Variants in PNKD observed in about 807,000 individuals in gnomAD.
The protein encoded by PNKD is PNKD metallo-beta-lactamase domain containing.
A neutral mutation model predicts 45.3 loss-of-function variants in PNKD; 36 were observed. The observed-to-expected ratio is 0.80, with a 90% confidence interval of 0.61 to 1.05. The LOEUF is 1.05. Among genes scored for constraint, PNKD ranks in the 50% least tolerant of loss-of-function variants. The probability of loss-of-function intolerance (pLI) is 0.00; values close to 1 mark genes in which losing one functional copy is unlikely to be tolerated. For synonymous variants in PNKD, 197 were observed against 210.1 expected (o/e 0.94, Z 0.54); for missense variants, 511 against 506.6 (o/e 1.01, Z -0.08).
intron 2 of PNKD, among the ~76,000 whole-genome samples, chr2:218,273,465 A>AT (rs1268199721): frequency 7.5e-4 from 62 of 82,790 alleles, no homozygotes; most frequent in South Asian, 4.3e-3. Context: ...TTTTTTTTGG[A>AT]TTTTTTTTTA....
In PNKD at chr2:218,340,187, G is replaced by A; in HGVS notation, c.465+46G>A. ...AGGGGGTGCCTGGAGTCACCTTGGG[G>A]ACTGGCAGTTTCGCCTTGCTAGAGA... On this transcript the variant is annotated intron_variant, in intron 4 of 9. Coordinates refer to ENST00000273077, the MANE Select transcript of PNKD (RefSeq NM_015488.5). The surrounding 1 kb of genome is among the most constrained non-coding windows in gnomAD (Gnocchi z 4.2). 1 of 1,241,024 alleles carries A rather than the reference G, an allele frequency of 8.1e-7. No homozygotes were observed. Among genetic ancestry groups the A allele is most frequent in the East Asian group, 2.3e-5 (1 of 43,272 alleles). 76.9% of individuals were successfully genotyped at this position (1,241,024 alleles called of 1,614,324 possible).
At chr2:218,323,362 G>T in intron 2 of PNKD, 1 of 1,581,460 alleles carries the variant, frequency 6.3e-7, no homozygotes, top group East Asian at 2.4e-5. Flanking sequence ...AGCCCCCGCG[G>T]CTGCCGAGCG....
chr2:218,307,105 G>T (rs1354450848), intron 2 of PNKD, among the ~76,000 whole-genome samples: 1 of 152,118 alleles, frequency 6.6e-6, no homozygotes, highest in Admixed American at 6.6e-5. Flanking sequence ...TGAAGGAGAG[G>T]GTTGGGGTCA....
chr2:218,335,863 C>T lies in PNKD; in HGVS notation c.237-3920C>T, dbSNP rs1479532609. 5.3e-5 allele frequency among the ~76,000 whole-genome samples: 8 copies of T among 152,286 alleles called. 1 individual carries two copies. In the East Asian group the frequency reaches 1.5e-3, roughly 29 times the overall value. On this transcript the variant is annotated intron_variant, in intron 2 of 9. Transcript: ENST00000273077. ...GCTTGCAGACAAATCAGCTAGCTCT[C>T]CCCTTAGGGGTCTGAAGAGCGGCTG...
chr2:218,305,417 T>A (rs1693379800), intron 2 of PNKD, among the ~76,000 whole-genome samples: 1 of 152,110 alleles, frequency 6.6e-6, no homozygotes, highest in South Asian at 2.1e-4. Flanking sequence ...AGTGGCAAAA[T>A]CATAGTTCAC....
chr2:218,328,646 C>A (rs1005880329), intron 2 of PNKD, among the ~76,000 whole-genome samples: 7 of 152,164 alleles, frequency 4.6e-5, no homozygotes, highest in African/African-American at 1.7e-4. Context: ...CTCCCTCAAA[C>A]CTTGTGATGA....
At position 218,339,839 on chromosome 2, in the gene PNKD, G is replaced by C. The variant is rs201495280; in HGVS notation, c.293G>C (p.Arg98Pro). ...LGYLFYRQQL[R>P]RARNRYPKGH... Reference sequence around the variant, plus strand: ...TACCTCTTCTACCGACAGCAGCTGCGCAGGGCTCGGAATCGCTACCCTAAA... The same window carrying C: ...TACCTCTTCTACCGACAGCAGCTGCCCAGGGCTCGGAATCGCTACCCTAAA... The change falls in exon 3 of 10, where the codon CGC becomes CCC. Residue 98 changes from arginine (R) to proline (P), a missense_variant. Physicochemically the swap from Arg to Pro is moderately radical, Grantham distance 103 (BLOSUM62 -2). Transcript: ENST00000273077. 2 of 1,613,468 alleles carry C rather than the reference G, an allele frequency of 1.2e-6. No homozygotes were observed. Among genetic ancestry groups the C allele is most frequent in the Non-Finnish European group, 1.7e-6 (2 of 1,179,764 alleles).
rs545153045 is a variant in PNKD, at chr2:218,345,682, A to G, written c.*701A>G. ...AACCTCCTCATTGGGCTAAGGAGAC[A>G]CTGGAGTCTGGAGTGTGGAGCCCCA... On this transcript the variant is annotated 3_prime_UTR_variant, in exon 10 of 10. Coordinates refer to ENST00000273077, the MANE Select transcript of PNKD (RefSeq NM_015488.5). The G allele has an allele frequency of 2.0e-5, 3 of 152,726 alleles. No individual in the cohort carries two copies. The highest frequency in any genetic ancestry group is 3.8e-4 in the East Asian group (2 of 5,316). 9.5% of individuals were successfully genotyped at this position (152,726 alleles called of 1,614,324 possible). A position where few individuals can be genotyped will look rare whatever the true frequency, so the allele number is the denominator to read the frequency against.
At chr2:218,304,602 CTG>C (rs2106254404) in intron 2 of PNKD, among the ~76,000 whole-genome samples, 1 of 152,314 alleles carries the variant, frequency 6.6e-6, no homozygotes, top group African/African-American at 2.4e-5. Context: ...CCCAGTTTGC[CTG>C]TGTCATCTGT....
chr2:218,271,126 G>A (rs1172668667), intron 1 of PNKD: 3 of 569,426 alleles, frequency 5.3e-6, no homozygotes, highest in Non-Finnish European at 9.5e-6. Context: ...GTCGTCTGAG[G>A]AAGAACAGCG....
At chr2:218,324,014 G>T (rs1574702039) in intron 2 of PNKD, among the ~76,000 whole-genome samples, 1 of 152,246 alleles carries the variant, frequency 6.6e-6, no homozygotes, top group East Asian at 1.9e-4. Context: ...AGCCTGGCCC[G>T]TGTGGAAGCC....
intron 2 of PNKD, chr2:218,277,719 G>A: frequency 3.7e-6 from 6 of 1,610,506 alleles, no homozygotes; most frequent in Non-Finnish European, 5.1e-6. Context: ...AGGAAGGAAG[G>A]CAGGGTGCTG....
chr2:218,323,479 T>C (rs759197557), intron 2 of PNKD: 2 of 996,030 alleles, frequency 2.0e-6, no homozygotes, highest in Non-Finnish European at 1.2e-6. Flanking sequence ...GCGGGCGCGC[T>C]GGGAGAGGGG....
At chr2:218,308,664 G>A (rs1693493696) in intron 2 of PNKD, among the ~76,000 whole-genome samples, 1 of 150,238 alleles carries the variant, frequency 6.7e-6, no homozygotes, top group African/African-American at 2.5e-5. Context: ...TCGGCTCACC[G>A]CAACCTCCAC....
intron 2 of PNKD, among the ~76,000 whole-genome samples, chr2:218,325,007 T>C (rs1694105955): frequency 8.8e-6 from 1 of 114,242 alleles, no homozygotes; most frequent in Non-Finnish European, 1.8e-5. Context: ...CTTTTTTTTT[T>C]TTTTTTTTTT....
At chr2:218,337,798 T>A (rs760907545) in intron 2 of PNKD, among the ~76,000 whole-genome samples, 1 of 152,194 alleles carries the variant, frequency 6.6e-6, no homozygotes, top group African/African-American at 2.4e-5. Flanking sequence ...GCTCCCTGCA[T>A]GTCCCACTGT....
intron 2 of PNKD, among the ~76,000 whole-genome samples, chr2:218,282,835 G>A (rs1358003097): frequency 6.6e-6 from 1 of 152,226 alleles, no homozygotes; most frequent in Non-Finnish European, 1.5e-5. Flanking sequence ...AGGGGCTGGG[G>A]GCAGGGAGGC....
At chr2:218,317,188 T>C (rs1693838927) in intron 2 of PNKD, among the ~76,000 whole-genome samples, 1 of 152,106 alleles carries the variant, frequency 6.6e-6, no homozygotes, top group Non-Finnish European at 1.5e-5. Context: ...GGCATTGGAA[T>C]TGAAGTCAGG....
chr2:218,343,496 C>A lies in PNKD; in HGVS notation c.782-4C>A. On this transcript the variant is annotated splice_polypyrimidine_tract_variant and splice_region_variant and intron_variant, in intron 7 of 9. Coordinates refer to ENST00000273077, the MANE Select transcript of PNKD (RefSeq NM_015488.5). ...TTGTGACATACCCTCCAACCCCCAC[C>A]CAGGGCGGACCTTTGAGGGCAATGC... 1 of 1,612,226 alleles carries A rather than the reference C, an allele frequency of 6.2e-7. No individual in the cohort carries two copies.
Sources: gnomAD v4.1 joint callset for allele counts (sites outside exome capture counted in the v4.1 genomes callset) on GRCh38, gnomAD v4.1.1 for gene constraint, Gnocchi (gnomAD v3.1) non-coding constraint, MANE v1.5 for transcripts, NCBI Gene and HGNC (gene_info 2026-07-23, HGNC 2026-07-21) for gene names.